Variants in TMEM150C observed in about 807,000 individuals in gnomAD.
TMEM150C encodes tentonin 3.
TMEM150C carries 10 observed loss-of-function variants against 29.9 expected under a neutral mutation model. The ratio of observed to expected loss-of-function variants is 0.33; its 90% CI spans 0.21 to 0.57. The LOEUF (loss-of-function observed/expected upper bound fraction) is 0.57, where lower values mean the gene tolerates loss of function less well. TMEM150C is among the 20% of genes least tolerant of loss of function. The pLI is 0.88. For missense variants in TMEM150C, 251 were observed against 303.6 expected (o/e 0.83, Z 1.29); for synonymous variants, 101 against 112.5 (o/e 0.90, Z 0.64).
At chr4:82,511,989 G>T (rs1471863565) in intron 1 of TMEM150C, among the ~76,000 whole-genome samples, 1 of 152,164 alleles carries the variant, frequency 6.6e-6, no homozygotes, top group East Asian at 1.9e-4. Flanking sequence ...TTTTATTAGG[G>T]ACAGCAATGT....
At chr4:82,511,031 T>C (rs1163952056) in intron 1 of TMEM150C, among the ~76,000 whole-genome samples, 1 of 152,214 alleles carries the variant, frequency 6.6e-6, no homozygotes, top group Non-Finnish European at 1.5e-5. Flanking sequence ...CCTGGGGAGA[T>C]ATGAAACACA....
rs1723971981 is a variant in TMEM150C, at chr4:82,507,714, T to C, written c.-10-3047A>G. ...GATAAACAATATATTAAATTAACTC[T>C]CTCTCTCTCTCTCTTTTTTTTTTTT... On this transcript the variant is annotated intron_variant, in intron 1 of 7. Transcript: ENST00000449862. Among the ~76,000 whole-genome samples, 2 of 67,972 alleles carry C rather than the reference T, an allele frequency of 2.9e-5. 1 individual carries two copies. Among genetic ancestry groups the C allele is most frequent in the Admixed American group, 3.2e-4 (2 of 6,172 alleles). The allele number at this position is 67,972 out of a possible 152,430, so 44.6% of individuals were successfully genotyped here. A position where few individuals can be genotyped will look rare whatever the true frequency, so the allele number is the denominator to read the frequency against.
chr4:82,521,813 G>A (rs1009782646), intron 1 of TMEM150C, among the ~76,000 whole-genome samples: 2 of 152,200 alleles, frequency 1.3e-5, no homozygotes, highest in Non-Finnish European at 2.9e-5. Context: ...AGGACAGAAC[G>A]CTCAGGAGGG....
intron 7 of TMEM150C, among the ~76,000 whole-genome samples, chr4:82,488,096 C>T (rs1309371223): frequency 6.6e-6 from 1 of 152,170 alleles, no homozygotes; most frequent in Non-Finnish European, 1.5e-5. Flanking sequence ...CCCCTCCCAT[C>T]CTTTCCCCTG....
At chr4:82,508,487 A>C (rs1724010860) in intron 1 of TMEM150C, among the ~76,000 whole-genome samples, 1 of 147,926 alleles carries the variant, frequency 6.8e-6, no homozygotes, top group Non-Finnish European at 1.5e-5. Context: ...TTTTTTTGAG[A>C]TGGGGTCTCA....
chr4:82,524,102 C>CA (rs75621252), intron 1 of TMEM150C, among the ~76,000 whole-genome samples: 18,258 of 109,384 alleles, frequency 0.17, 1,299 homozygotes, highest in Middle Eastern at 0.29. Context: ...ACTAAAAATA[C>CA]AAAAAAAAAA....
intron 1 of TMEM150C, among the ~76,000 whole-genome samples, chr4:82,531,566 C>A (rs1010845409): frequency 6.6e-6 from 1 of 151,878 alleles, no homozygotes; most frequent in Non-Finnish European, 1.5e-5. Context: ...ACCAGCCTGG[C>A]CAACATGGCG....
chr4:82,506,207 A>C (rs1210751726), intron 1 of TMEM150C, among the ~76,000 whole-genome samples: 3 of 152,156 alleles, frequency 2.0e-5, no homozygotes, highest in Non-Finnish European at 4.4e-5. Context: ...AGACCTTCCA[A>C]GTGTTGAGAC....
intron 1 of TMEM150C, among the ~76,000 whole-genome samples, chr4:82,543,422 T>C (rs1318019263): frequency 2.0e-5 from 3 of 152,150 alleles, no homozygotes; most frequent in Non-Finnish European, 4.4e-5. Context: ...ATACAGCCAA[T>C]ATAGCAGGTG....
chr4:82,485,624 C>T lies in TMEM150C; in HGVS notation c.637G>A (p.Val213Met), dbSNP rs201720370. 139 of 1,610,238 alleles carry T rather than the reference C, an allele frequency of 8.6e-5. No homozygotes were observed. The highest frequency in any genetic ancestry group is 5.8e-4 in the South Asian group (52 of 90,116). ...CFLSYFGTFA[V>M]EFRHYRYEIV... ...TCATAGCGGTAATGCCGGAACTCCA[C>T]GGCAAAGGTGCCAAAATAAGACAGG... Residue 213 changes from valine to methionine, a missense_variant, in exon 8 of 8, where the codon GTG (valine) becomes ATG (methionine). Transcript: ENST00000449862.
chr4:82,533,149 C>T (rs1200282078), intron 1 of TMEM150C, among the ~76,000 whole-genome samples: 1 of 150,274 alleles, frequency 6.7e-6, no homozygotes, highest in African/African-American at 2.5e-5. Context: ...TAGATGTGTC[C>T]ACTTTCTGAA....
intron 1 of TMEM150C, among the ~76,000 whole-genome samples, chr4:82,517,154 G>A (rs900235982): frequency 6.6e-6 from 1 of 152,162 alleles, no homozygotes; most frequent in Admixed American, 6.5e-5. Flanking sequence ...TACAAAAACC[G>A]ACCTGGAACA....
At chr4:82,495,558 G>T in intron 6 of TMEM150C, 1 of 352,694 alleles carries the variant, frequency 2.8e-6, no homozygotes, top group South Asian at 2.6e-5. Context: ...ACAAAGTTGA[G>T]AATGCTCAGA....
rs1469428277 is a variant in TMEM150C at position 82,483,435 on chromosome 4, T to C, written c.*2076A>G. ...AACTAACAAATGTCACCTTGGACTA[T>C]TTACAGTAAGACGCCTTTTTGACAG... On this transcript the variant is annotated 3_prime_UTR_variant, in exon 8 of 8. Coordinates refer to ENST00000449862, the MANE Select transcript of TMEM150C (RefSeq NM_001080506.3). 1 of 152,224 alleles carries C rather than the reference T, an allele frequency of 6.6e-6. No individual in the cohort carries two copies. The allele number at this position is 152,224 out of a possible 1,614,324, so 9.4% of individuals were successfully genotyped here.
chr4:82,496,852 G>A (rs1028763656), intron 5 of TMEM150C, among the ~76,000 whole-genome samples: 8 of 152,146 alleles, frequency 5.3e-5, no homozygotes, highest in African/African-American at 1.9e-4. Context: ...GGTGTTCACT[G>A]TCAAACAACA....
chr4:82,544,758 G>A (rs1366364531), intron 1 of TMEM150C, among the ~76,000 whole-genome samples: 2 of 131,416 alleles, frequency 1.5e-5, no homozygotes, highest in Non-Finnish European at 3.1e-5. Context: ...CAGCCTGGGT[G>A]ACAGAGTAAG....
Position 82,509,142 on chromosome 4 carries a change from T to C in TMEM150C, c.-10-4475A>G, listed in dbSNP as rs1397338538. Among the ~76,000 whole-genome samples, 3 of 152,240 alleles carry C rather than the reference T, an allele frequency of 2.0e-5. No homozygotes were observed. The East Asian group carries it at 5.8e-4, about 29-fold the overall frequency. Reference sequence around the variant, plus strand: ...GTCATTCCCTAAGTCTGAGTTATCTTCACTTTCTTTTACTCAATCTGTGGT... The same window carrying C: ...GTCATTCCCTAAGTCTGAGTTATCTCCACTTTCTTTTACTCAATCTGTGGT... On this transcript the variant is annotated intron_variant, in intron 1 of 7. Transcript: ENST00000449862.
intron 1 of TMEM150C, among the ~76,000 whole-genome samples, chr4:82,534,134 T>C (rs985375822): frequency 6.6e-6 from 1 of 152,222 alleles, no homozygotes; most frequent in Non-Finnish European, 1.5e-5. Context: ...AGGGTTGTTA[T>C]GGGAACAAAT....
intron 6 of TMEM150C, 27 bp from the exon 7 acceptor site, chr4:82,490,265 T>C: frequency 6.2e-7 from 1 of 1,606,306 alleles, no homozygotes; most frequent in East Asian, 2.2e-5. Flanking sequence ...TAATGACACA[T>C]GAAGGCCCAT....
Sources: allele counts gnomAD v4.1 joint callset (sites outside exome capture counted in the v4.1 genomes callset), GRCh38; gene constraint gnomAD v4.1.1; transcripts MANE v1.5; gene names NCBI Gene and HGNC (gene_info 2026-07-23, HGNC 2026-07-21).